Variants in GATA3 observed in about 807,000 individuals in gnomAD.
The protein encoded by GATA3 is GATA binding protein 3, also known as trans-acting T-cell-specific transcription factor GATA-3.
GATA3 carries 6 observed loss-of-function variants against 36.0 expected under a neutral mutation model. The ratio of observed to expected loss-of-function variants is 0.17; its 90% CI spans 0.09 to 0.33. The LOEUF (loss-of-function observed/expected upper bound fraction) is 0.33, where lower values mean the gene tolerates loss of function less well. Among genes scored for constraint, GATA3 ranks in the 10% least tolerant of loss-of-function variants. The pLI, the probability that GATA3 is intolerant of heterozygous loss-of-function variation, is 1.00. For missense variants in GATA3, 514 were observed against 610.1 expected, an observed-to-expected ratio of 0.84 and a Z score of 1.66; for synonymous variants, 326 against 273.0, an observed-to-expected ratio of 1.19 and a Z score of -1.92.
chr10:8,063,894 A>G (rs1205638184), intron 3 of GATA3, 99 bp from the exon 4 acceptor site: 12 of 1,557,218 alleles, frequency 7.7e-6, no homozygotes, highest in Non-Finnish European at 1.1e-5. Flanking sequence ...GAGAAGGAAA[A>G]AAGTTCTCCA....
intron 3 of GATA3, among the ~76,000 whole-genome samples, chr10:8,060,607 G>A (rs1417310190): frequency 1.3e-5 from 2 of 152,054 alleles, no homozygotes; most frequent in African/African-American, 4.8e-5. Context: ...TGAGGCCGGC[G>A]TAGTGGTTTG....
In GATA3 at chr10:8,073,940, A is replaced by G; in HGVS notation, c.1252A>G (p.Thr418Ala). The change falls in exon 6 of 6, where the codon ACC becomes GCC. Residue 418 changes from threonine (T) to alanine (A), a missense_variant. By Grantham distance (58) the Thr-to-Ala change is moderately conservative (BLOSUM62 0). Transcript: ENST00000379328. ...CTTCAGCCACTCCAGCCACATGCTG[A>G]CCACGCCCACGCCGATGCACCCGCC... Reference protein sequence around the residue: ...SPFSHSSHMLTTPTPMHPPSS... With the variant: ...SPFSHSSHMLATPTPMHPPSS... 6.2e-7 allele frequency: 1 copy of G among 1,614,074 alleles called. No homozygotes were observed. The highest frequency in any genetic ancestry group is 8.5e-7 in the Non-Finnish European group (1 of 1,180,024).
chr10:8,073,399 C>A (rs10905284), intron 5 of GATA3, among the ~76,000 whole-genome samples: 67,890 of 151,930 alleles, frequency 0.45, 17,890 homozygotes, highest in South Asian at 0.59. Context: ...GTCAAAGTAG[C>A]CAAAATGGCA....
intron 4 of GATA3, among the ~76,000 whole-genome samples, chr10:8,067,529 G>A (rs1730631762): frequency 1.3e-5 from 2 of 152,124 alleles, no homozygotes; most frequent in Non-Finnish European, 1.5e-5. Context: ...AACTGTACCA[G>A]AATCCCAGGC....
chr10:8,057,533 CCTT>C (rs1409316015), intron 2 of GATA3, among the ~76,000 whole-genome samples: 2 of 152,148 alleles, frequency 1.3e-5, no homozygotes, highest in Non-Finnish European at 1.5e-5. Flanking sequence ...TACGTTATCT[CCTT>C]CTCCTTTAGG....
chr10:8,055,741 C>G lies in GATA3; in HGVS notation c.86C>G (p.Pro29Arg), dbSNP rs758750439. 6.3e-7 allele frequency: 1 copy of G among 1,576,620 alleles called. No homozygotes were observed. Among genetic ancestry groups the G allele is most frequent in the South Asian group, 1.2e-5 (1 of 86,056 alleles). ...LNGQHPDTHH[P>R]GLSHSYMDAA... The stretch of plus-strand genomic sequence containing the variant: ...GGGCAGCACCCGGACACGCACCACC[C>G]GGGCCTCAGCCACTCCTACATGGAC... Residue 29 changes from proline to arginine, a missense_variant, in exon 2 of 6, where the codon CCG becomes CGG. This residue lies in a region of GATA3 where 381 missense variants were observed against 354.3 expected (regional missense o/e 1.08). Coordinates refer to ENST00000379328, the MANE Select transcript of GATA3 (RefSeq NM_001002295.2). The surrounding 1 kb of genome is among the most constrained non-coding windows in gnomAD (Gnocchi z 5.4).
intron 3 of GATA3, among the ~76,000 whole-genome samples, chr10:8,062,038 G>A (rs454881): frequency 0.067 from 10,226 of 152,258 alleles, 1,146 homozygotes; most frequent in African/African-American, 0.23. Flanking sequence ...CAAAAAGGCA[G>A]GCCTGCGGCC....
upstream of GATA3, among the ~76,000 whole-genome samples, chr10:8,049,573 C>A (rs1205732880): frequency 6.6e-6 from 1 of 152,144 alleles, no homozygotes; most frequent in East Asian, 1.9e-4. Flanking sequence ...CGGTGTGGCC[C>A]GCGCAGCCGG....
chr10:8,055,978 G>T lies in GATA3; in HGVS notation c.241+82G>T. 1 of 1,527,536 alleles carries T rather than the reference G, an allele frequency of 6.5e-7. No individual in the cohort carries two copies. The allele number at this position is 1,527,536 out of a possible 1,614,324, so 94.6% of individuals were successfully genotyped here. A position where few individuals can be genotyped will look rare whatever the true frequency, so the allele number is the denominator to read the frequency against. On this transcript the variant is annotated intron_variant, in intron 2 of 5. Transcript: ENST00000379328. The surrounding 1 kb of genome is among the most constrained non-coding windows in gnomAD (Gnocchi z 5.4). Reference sequence around the variant, plus strand: ...GGGAGGTCGGGAGGGACCTGAGGGCGGGGAGAGGTCAAGCGAAAGCCCCCA... The same window carrying T: ...GGGAGGTCGGGAGGGACCTGAGGGCTGGGAGAGGTCAAGCGAAAGCCCCCA...
intron 1 of GATA3, among the ~76,000 whole-genome samples, chr10:8,047,649 C>A (rs558456842): frequency 7.2e-5 from 11 of 152,208 alleles, no homozygotes; most frequent in South Asian, 2.1e-4. Context: ...AGCTGCTGCC[C>A]GAGGCGTCCC....
At chr10:8,067,180 A>C (rs1832855699) in intron 4 of GATA3, among the ~76,000 whole-genome samples, 1 of 152,216 alleles carries the variant, frequency 6.6e-6, no homozygotes, top group Admixed American at 6.5e-5. Context: ...ATATTTCATA[A>C]AGGCAGTCGG....
chr10:8,068,131 G>A (rs1832875724), intron 4 of GATA3, among the ~76,000 whole-genome samples: 1 of 152,088 alleles, frequency 6.6e-6, no homozygotes, highest in Non-Finnish European at 1.5e-5. Context: ...AGCGTGAACA[G>A]AGAATAGTCA....
intron 4 of GATA3, among the ~76,000 whole-genome samples, chr10:8,068,500 C>T (rs1413689633): frequency 6.6e-6 from 1 of 152,170 alleles, no homozygotes; most frequent in Non-Finnish European, 1.5e-5. Context: ...GCCTGTAATA[C>T]CGGCACTTTG....
In GATA3 at chr10:8,058,834, C is replaced by T. The variant is rs1334966132; in HGVS notation, c.771C>T (p.Ser257=). Residue 257 remains serine, a synonymous_variant, in exon 3 of 6, where the codon TCC becomes TCT. Coordinates refer to ENST00000379328, the MANE Select transcript of GATA3 (RefSeq NM_001002295.2). ...GCAAGTCCAGGCCCAAGGCCCGGTC[C>T]AGCACAGGTAGGAGCCAGCTCTTCC... is the stretch of plus-strand genomic sequence containing the variant. The part of the protein sequence containing the change: ...FGCKSRPKAR[S]STEGRECVNC... The T allele has an allele frequency of 3.1e-6, 5 of 1,603,298 alleles. No individual in the cohort carries two copies. Among genetic ancestry groups the T allele is most frequent in the Non-Finnish European group, 4.2e-6 (5 of 1,179,928 alleles).
At position 8,073,722 on chromosome 10, in the gene GATA3, A is replaced by T. The variant is rs1246229052; in HGVS notation, c.1051-17A>T. 5.0e-6 allele frequency: 8 copies of T among 1,599,510 alleles called. No individual in the cohort carries two copies. The African/African-American group carries it at 5.4e-5, about 11-fold the overall frequency. On this transcript the variant is annotated splice_polypyrimidine_tract_variant and intron_variant, in intron 5 of 5. Coordinates refer to ENST00000379328, the MANE Select transcript of GATA3 (RefSeq NM_001002295.2). ...CAAAAAAGTAAAAAAAAAAAAAAAA[A>T]ATTGATCTTTGTTTAGATTAACAGA... is the stretch of plus-strand genomic sequence containing the variant.
intron 4 of GATA3, among the ~76,000 whole-genome samples, chr10:8,067,566 C>G (rs998854592): frequency 1.3e-5 from 2 of 152,138 alleles, no homozygotes; most frequent in African/African-American, 4.8e-5. Context: ...CTCCTGTAAT[C>G]CCAGCACTTT....
At chr10:8,056,545 G>C (rs765211390) in intron 2 of GATA3, among the ~76,000 whole-genome samples, 1 of 152,122 alleles carries the variant, frequency 6.6e-6, no homozygotes, top group Admixed American at 6.5e-5. Context: ...AGGGGTTTGG[G>C]GGGGAAGACC....
intron 4 of GATA3, among the ~76,000 whole-genome samples, chr10:8,067,559 C>T (rs1213231674): frequency 6.6e-6 from 1 of 152,186 alleles, no homozygotes; most frequent in Non-Finnish European, 1.5e-5. Flanking sequence ...TGGCTCACTC[C>T]TGTAATCCCA....
intron 3 of GATA3, 76 bp from the exon 4 acceptor site, chr10:8,063,917 C>T: frequency 1.2e-6 from 2 of 1,604,194 alleles, no homozygotes; most frequent in East Asian, 2.2e-5. Flanking sequence ...TTACGTTTCT[C>T]CCCCAGTTCC....
Sources: allele counts gnomAD v4.1 joint callset (sites outside exome capture counted in the v4.1 genomes callset), GRCh38; gene constraint gnomAD v4.1.1; regional missense constraint gnomAD v4.1.1; non-coding constraint Gnocchi (gnomAD v3.1); transcripts MANE v1.5; gene names NCBI Gene and HGNC (gene_info 2026-07-23, HGNC 2026-07-21).